Variants in GINM1 observed in about 807,000 individuals in gnomAD.
GINM1 encodes the protein glycoprotein integral membrane protein 1.
GINM1 carries 29 observed loss-of-function variants against 37.8 expected under a neutral mutation model. The ratio of observed to expected loss-of-function variants is 0.77; its 90% CI spans 0.57 to 1.05. The LOEUF is 1.05. Among genes scored for constraint, GINM1 ranks in the 50% least tolerant of loss-of-function variants. The pLI is 0.00. For missense variants in GINM1, 377 were observed against 397.9 expected (o/e 0.95, Z 0.45); for synonymous variants, 143 against 146.2 (o/e 0.98, Z 0.16).
At chr6:149,575,861 C>A (rs1777906570) in intron 3 of GINM1, among the ~76,000 whole-genome samples, 1 of 152,184 alleles carries the variant, frequency 6.6e-6, no homozygotes, top group Non-Finnish European at 1.5e-5. Flanking sequence ...ATCTTTTAGT[C>A]ATCCCAGTCA....
intron 1 of GINM1, among the ~76,000 whole-genome samples, chr6:149,571,141 C>G (rs1292002094): frequency 1.3e-5 from 2 of 151,896 alleles, no homozygotes; most frequent in African/African-American, 4.8e-5. Context: ...TGGTGAAACC[C>G]CCGTCTCTAC....
intron 3 of GINM1, among the ~76,000 whole-genome samples, chr6:149,574,731 G>A (rs912593776): frequency 6.6e-6 from 1 of 152,106 alleles, no homozygotes; most frequent in Admixed American, 6.5e-5. Flanking sequence ...AGCCCAGTGT[G>A]GTGGTGCAGG....
intron 7 of GINM1, 106 bp downstream of exon 7, chr6:149,582,709 C>A: frequency 1.3e-6 from 1 of 776,544 alleles, no homozygotes; most frequent in Non-Finnish European, 2.0e-6. Context: ...AAGGGTAAGA[C>A]AAATGGGAGG....
chr6:149,582,297 A>T, intron 6 of GINM1, 143 bp from the exon 7 acceptor site: 1 of 692,466 alleles, frequency 1.4e-6, no homozygotes. Flanking sequence ...ATTAGTTTTG[A>T]CAAATGTAGT....
In GINM1 at chr6:149,588,346, G is replaced by T. The variant is rs544097633; in HGVS notation, c.882-2381G>T. ...TATGATTCTCTCATGACTTGCTTAC[G>T]TAGAGCCTCTGGCCATTTTTCAATT... On this transcript the variant is annotated intron_variant, in intron 7 of 7. Transcript: ENST00000367419. Among the ~76,000 whole-genome samples, 7 of 152,230 alleles carry T rather than the reference G, an allele frequency of 4.6e-5. No individual in the cohort carries two copies. In the East Asian group the frequency reaches 1.3e-3, roughly 29 times the overall value.
In GINM1 at chr6:149,568,729, G is replaced by A. The variant is rs146536829; in HGVS notation, c.120+2195G>A. On this transcript the variant is annotated intron_variant, in intron 1 of 7. Coordinates refer to ENST00000367419, the MANE Select transcript of GINM1 (RefSeq NM_138785.5). ...AGTCAGGAAAATTCTGCCTTCTTCCGATGACTCAGATTTATTGGACTATAA... is the reference window on the plus strand; with the variant it reads ...AGTCAGGAAAATTCTGCCTTCTTCCAATGACTCAGATTTATTGGACTATAA... 5.7e-3 allele frequency among the ~76,000 whole-genome samples: 863 copies of A among 152,254 alleles called. 32 individuals are homozygous for A. The highest frequency in any genetic ancestry group is 0.051 in the Admixed American group (785 of 15,298).
chr6:149,584,988 C>G (rs1317259257), intron 7 of GINM1, among the ~76,000 whole-genome samples: 1 of 151,926 alleles, frequency 6.6e-6, no homozygotes, highest in African/African-American at 2.4e-5. Flanking sequence ...ATCATGTTGG[C>G]ACTCAAAAAG....
chr6:149,591,352 A>C lies in GINM1; in HGVS notation c.*514A>C, dbSNP rs1778152744. 1 of 152,140 alleles carries C rather than the reference A, an allele frequency of 6.6e-6. No individual in the cohort carries two copies. The highest frequency in any genetic ancestry group is 6.5e-5 in the Admixed American group (1 of 15,270). The allele number at this position is 152,140 out of a possible 1,614,324, so 9.4% of individuals were successfully genotyped here. ...CTGGCTATTCATATGATGAATTGTT[A>C]AGGAAAACTTAAAGTGGAAGAGAAC... is the stretch of plus-strand genomic sequence containing the variant. On this transcript the variant is annotated 3_prime_UTR_variant, in exon 8 of 8. Coordinates refer to ENST00000367419, the MANE Select transcript of GINM1 (RefSeq NM_138785.5).
chr6:149,580,119 A>G (rs931237286), intron 5 of GINM1, 129 bp downstream of exon 5: 4 of 615,080 alleles, frequency 6.5e-6, no homozygotes, highest in African/African-American at 5.7e-5. Flanking sequence ...AATAGTTAAT[A>G]TGTTTGGAAA....
intron 3 of GINM1, among the ~76,000 whole-genome samples, chr6:149,574,471 CTGTG>C (rs375054580): frequency 1.8e-4 from 27 of 152,156 alleles, no homozygotes; most frequent in African/African-American, 6.5e-4. Context: ...CCCAACTGTT[CTGTG>C]TTTCTTTTTC....
At chr6:149,567,126 G>A (rs1053181567) in intron 1 of GINM1, among the ~76,000 whole-genome samples, 7 of 152,102 alleles carry the variant, frequency 4.6e-5, no homozygotes, top group Non-Finnish European at 7.4e-5. Flanking sequence ...GCATCCCCTG[G>A]GGACTCAGCC....
At chr6:149,574,814 G>C (rs1390116098) in intron 3 of GINM1, among the ~76,000 whole-genome samples, 1 of 152,200 alleles carries the variant, frequency 6.6e-6, no homozygotes, top group Non-Finnish European at 1.5e-5. Flanking sequence ...GCTGCAGTAA[G>C]CTGTGATTGT....
chr6:149,568,860 C>T (rs566067278), intron 1 of GINM1, among the ~76,000 whole-genome samples: 3 of 151,914 alleles, frequency 2.0e-5, no homozygotes, highest in Non-Finnish European at 4.4e-5. Flanking sequence ...CGGAATATCT[C>T]GCTCTGTCTC....
At chr6:149,581,965 A>G in intron 6 of GINM1, 1 of 464,858 alleles carries the variant, frequency 2.2e-6, no homozygotes, top group South Asian at 1.6e-5. Context: ...TCTCGCTCTT[A>G]AAGTATAGAA....
intron 3 of GINM1, among the ~76,000 whole-genome samples, chr6:149,574,330 G>A (rs1053436718): frequency 2.7e-5 from 4 of 150,116 alleles, no homozygotes; most frequent in Admixed American, 6.8e-5. Context: ...GGGATTACAG[G>A]CGTGAGCCAC....
chr6:149,583,621 C>CGAG, intron 7 of GINM1, among the ~76,000 whole-genome samples: 1 of 149,272 alleles, frequency 6.7e-6, no homozygotes, highest in South Asian at 2.1e-4. Context: ...GAGCAAAACT[C>CGAG]CCTCTCGAAA....
rs1777725376 is a variant in GINM1 at position 149,566,802 on chromosome 6, C to G, written c.120+268C>G. Among the ~76,000 whole-genome samples, 1 of 152,240 alleles carries G rather than the reference C, an allele frequency of 6.6e-6. No homozygotes were observed. Among genetic ancestry groups the G allele is most frequent in the East Asian group, 1.9e-4 (1 of 5,184 alleles). Reference sequence around the variant, plus strand: ...TCCGGCGGCCCAAGCCGGCGCGCGACCTGACGGGGCTTTGCCGTCGAAGCG... The same window carrying G: ...TCCGGCGGCCCAAGCCGGCGCGCGAGCTGACGGGGCTTTGCCGTCGAAGCG... On this transcript the variant is annotated intron_variant, in intron 1 of 7. Coordinates refer to ENST00000367419, the MANE Select transcript of GINM1 (RefSeq NM_138785.5). The surrounding 1 kb of genome is among the most constrained non-coding windows in gnomAD (Gnocchi z 4.4).
chr6:149,591,053 G>A lies in GINM1; in HGVS notation c.*215G>A, dbSNP rs1778147258. The A allele has an allele frequency of 4.4e-6, 2 of 451,172 alleles. No individual in the cohort carries two copies. The highest frequency in any genetic ancestry group is 6.0e-5 in the South Asian group (2 of 33,430). 27.9% of individuals were successfully genotyped at this position (451,172 alleles called of 1,614,324 possible). On this transcript the variant is annotated 3_prime_UTR_variant, in exon 8 of 8. Transcript: ENST00000367419. ...CTCATGCCTGTAATCCCAGGACTTT[G>A]GGAGGCCAATGCGGGCGGATCACGA... is the stretch of plus-strand genomic sequence containing the variant.
At chr6:149,589,289 T>C (rs2115064325) in intron 7 of GINM1, among the ~76,000 whole-genome samples, 1 of 151,934 alleles carries the variant, frequency 6.6e-6, no homozygotes, top group Admixed American at 6.5e-5. Context: ...ATTTATATAT[T>C]TGAGACAGAG....
Sources: allele counts gnomAD v4.1 joint callset (sites outside exome capture counted in the v4.1 genomes callset), GRCh38; gene constraint gnomAD v4.1.1; non-coding constraint Gnocchi (gnomAD v3.1); transcripts MANE v1.5; gene names NCBI Gene and HGNC (gene_info 2026-07-23, HGNC 2026-07-21).